The following DPYD variants were observed in gnomAD, a reference collection of about 807,000 sequenced individuals.
The protein encoded by DPYD is dihydropyrimidine dehydrogenase.
A neutral mutation model predicts 116.2 loss-of-function variants in DPYD; 109 were observed. The ratio of observed to expected loss-of-function variants is 0.94; its 90% CI spans 0.80 to 1.10. The LOEUF (loss-of-function observed/expected upper bound fraction) is 1.10. Ranked by LOEUF, DPYD falls within the 50% of genes least tolerant of loss-of-function variation. DPYD has a pLI of 0.00. For missense variants in DPYD, 1,302 were observed against 1,254.5 expected, an observed-to-expected ratio of 1.04 and a Z score of -0.57; for synonymous variants, 440 against 432.0, an observed-to-expected ratio of 1.02 and a Z score of -0.23.
chr1:97,832,319 C>T (rs1439540061), intron 2 of DPYD, among the ~76,000 whole-genome samples: 4 of 152,076 alleles, frequency 2.6e-5, no homozygotes, highest in African/African-American at 9.7e-5. Context: ...ACTCAAACTC[C>T]TCGCGAGTCC....
chr1:97,529,936 CTTT>C (rs1649471372), intron 12 of DPYD, among the ~76,000 whole-genome samples: 1 of 144,048 alleles, frequency 6.9e-6, no homozygotes. Context: ...TTCTTTCCTT[CTTT>C]ACTTTTCTTT....
At chr1:97,820,731 T>C (rs866567724) in intron 3 of DPYD, among the ~76,000 whole-genome samples, 3 of 152,178 alleles carry the variant, frequency 2.0e-5, no homozygotes, top group East Asian at 1.9e-4. Flanking sequence ...TTCATCTTTA[T>C]AGTACTAATG....
chr1:97,835,281 T>C (rs1669714276), intron 2 of DPYD, among the ~76,000 whole-genome samples: 1 of 152,136 alleles, frequency 6.6e-6, no homozygotes, highest in Non-Finnish European at 1.5e-5. Context: ...AAAATGAAGG[T>C]ATCAATGAAG....
At chr1:97,437,711 C>T (rs897017804) in intron 14 of DPYD, among the ~76,000 whole-genome samples, 16 of 151,940 alleles carry the variant, frequency 1.1e-4, no homozygotes, top group Non-Finnish European at 2.1e-4. Flanking sequence ...TCTTTATAAA[C>T]GAGTTTGAAG....
At chr1:97,254,212 C>A (rs182785032) in intron 18 of DPYD, among the ~76,000 whole-genome samples, 1 of 152,200 alleles carries the variant, frequency 6.6e-6, no homozygotes, top group Admixed American at 6.6e-5. Flanking sequence ...ATTTTGCCTT[C>A]CTTCAATAAG....
intron 20 of DPYD, among the ~76,000 whole-genome samples, chr1:97,139,161 C>T (rs1191810946): frequency 6.6e-6 from 1 of 152,058 alleles, no homozygotes; most frequent in Non-Finnish European, 1.5e-5. Flanking sequence ...AAGAATTCTA[C>T]AATTCTGTTG....
At chr1:97,261,845 C>G (rs943545873) in intron 18 of DPYD, among the ~76,000 whole-genome samples, 1 of 151,878 alleles carries the variant, frequency 6.6e-6, no homozygotes, top group Non-Finnish European at 1.5e-5. Context: ...ATTAAAACTC[C>G]GTAAGTTTTT....
chr1:97,594,735 G>A (rs1654757740), intron 9 of DPYD, among the ~76,000 whole-genome samples: 1 of 151,550 alleles, frequency 6.6e-6, no homozygotes, highest in Non-Finnish European at 1.5e-5. Flanking sequence ...TAAGATATGT[G>A]ACGATTCATG....
chr1:97,570,244 T>C (rs954265320), intron 11 of DPYD, among the ~76,000 whole-genome samples: 1 of 152,048 alleles, frequency 6.6e-6, no homozygotes, highest in African/African-American at 2.4e-5. Context: ...GTTCTTATTA[T>C]TGATATATTT....
In DPYD at chr1:97,832,639, T is replaced by C. The variant is rs184257161; in HGVS notation, c.151-4443A>G. ...TATAATGAGCAATTAAATTCCCAAG[T>C]GTTCAGATTTTGGCAGCAATTGAAG... On this transcript the variant is annotated intron_variant, in intron 2 of 22. Coordinates refer to ENST00000370192, the MANE Select transcript of DPYD (RefSeq NM_000110.4). Among the ~76,000 whole-genome samples, 370 of 151,984 alleles carry C rather than the reference T, an allele frequency of 2.4e-3. 6 individuals are homozygous for C. The highest frequency in any genetic ancestry group is 8.6e-3 in the African/African-American group (355 of 41,478).
intron 3 of DPYD, among the ~76,000 whole-genome samples, chr1:97,746,967 G>A (rs1345211626): frequency 6.6e-6 from 1 of 151,234 alleles, no homozygotes; most frequent in East Asian, 1.9e-4. Context: ...CTAAACGAAT[G>A]TACTGATAAT....
At chr1:97,146,460 C>A (rs1654641288) in intron 20 of DPYD, among the ~76,000 whole-genome samples, 1 of 152,162 alleles carries the variant, frequency 6.6e-6, no homozygotes, top group South Asian at 2.1e-4. Context: ...CACACCATGT[C>A]CAAAGGCCAT....
chr1:97,232,415 G>A (rs1037701254), intron 19 of DPYD, among the ~76,000 whole-genome samples: 2 of 152,076 alleles, frequency 1.3e-5, no homozygotes, highest in African/African-American at 4.8e-5. Flanking sequence ...AGTCTACCTT[G>A]ACCTCTTGAA....
intron 3 of DPYD, among the ~76,000 whole-genome samples, chr1:97,746,663 C>T (rs1206201280): frequency 6.6e-6 from 1 of 151,954 alleles, no homozygotes; most frequent in African/African-American, 2.4e-5. Context: ...AAATTGTATA[C>T]ATTAATAACT....
chr1:97,545,348 G>A (rs936699806), intron 12 of DPYD, among the ~76,000 whole-genome samples: 6 of 151,988 alleles, frequency 3.9e-5, no homozygotes, highest in African/African-American at 1.2e-4. Flanking sequence ...TTGTTATTCT[G>A]TAAAAGAAGA....
chr1:97,385,822 A>G (rs1008147262), intron 14 of DPYD, among the ~76,000 whole-genome samples: 1 of 152,158 alleles, frequency 6.6e-6, no homozygotes, highest in Admixed American at 6.5e-5. Flanking sequence ...TATCCTCTCA[A>G]GTAGGGACTA....
At chr1:97,099,018 C>A (rs1415134937) in intron 20 of DPYD, among the ~76,000 whole-genome samples, 2 of 151,948 alleles carry the variant, frequency 1.3e-5, no homozygotes, top group Non-Finnish European at 2.9e-5. Flanking sequence ...CTTTTTTCCC[C>A]TTCATCAGGT....
intron 16 of DPYD, among the ~76,000 whole-genome samples, chr1:97,314,451 G>A (rs1667693678): frequency 6.8e-6 from 1 of 146,204 alleles, no homozygotes; most frequent in African/African-American, 2.5e-5. Context: ...GACATTCTTA[G>A]TGTCAATGCT....
intron 11 of DPYD, among the ~76,000 whole-genome samples, chr1:97,567,579 G>A (rs190897874): frequency 2.0e-5 from 3 of 152,246 alleles, no homozygotes; most frequent in East Asian, 3.9e-4. Context: ...GCTCTACTGA[G>A]CAGTGTGGTG....
Sources: allele counts gnomAD v4.1 joint callset (sites outside exome capture counted in the v4.1 genomes callset), GRCh38; gene constraint gnomAD v4.1.1; transcripts MANE v1.5; gene names NCBI Gene and HGNC (gene_info 2026-07-23, HGNC 2026-07-21).